EVL: variants seen among roughly 807,000 people sequenced by gnomAD.
EVL encodes ena/VASP-like protein.
A neutral mutation model predicts 59.6 loss-of-function variants in EVL; 21 were observed. The observed-to-expected ratio is 0.35, with a 90% CI of 0.25 to 0.51. The LOEUF (loss-of-function observed/expected upper bound fraction) is 0.51. Among genes scored for constraint, EVL ranks in the 20% least tolerant of loss-of-function variants. EVL has a pLI of 0.97. For missense variants in EVL, 462 were observed against 546.6 expected (o/e 0.85, Z 1.54); for synonymous variants, 198 against 203.5 (o/e 0.97, Z 0.23).
At chr14:100,048,085 C>T (rs367739544) in intron 1 of EVL, among the ~76,000 whole-genome samples, 4 of 151,980 alleles carry the variant, frequency 2.6e-5, no homozygotes, top group Admixed American at 6.5e-5. Flanking sequence ...GACATGACAG[C>T]GAAAGCACCA....
chr14:99,989,643 G>A (rs892717581), intron 1 of EVL, among the ~76,000 whole-genome samples: 2 of 152,084 alleles, frequency 1.3e-5, no homozygotes, highest in African/African-American at 4.8e-5. Context: ...CGTCCTGATT[G>A]TAGTGCCACA....
intron 1 of EVL, among the ~76,000 whole-genome samples, chr14:99,984,849 C>T (rs572639343): frequency 6.6e-6 from 1 of 152,260 alleles, no homozygotes; most frequent in African/African-American, 2.4e-5. Flanking sequence ...CTCCTGACCT[C>T]AGGTGATCCA....
At chr14:100,058,867 A>G (rs979547735) in intron 1 of EVL, among the ~76,000 whole-genome samples, 3 of 152,210 alleles carry the variant, frequency 2.0e-5, no homozygotes, top group Admixed American at 6.5e-5. Flanking sequence ...ACTCTATTTT[A>G]TCTACGTACG....
intron 6 of EVL, 66 bp downstream of exon 6, chr14:100,128,814 TTG>T: frequency 1.4e-6 from 2 of 1,401,148 alleles, no homozygotes; most frequent in Non-Finnish European, 2.0e-6. Flanking sequence ...TGCAGAGCGC[TTG>T]TGTTCCTTCC....
chr14:99,985,119 A>C (rs1358754612), intron 1 of EVL, among the ~76,000 whole-genome samples: 2 of 150,502 alleles, frequency 1.3e-5, no homozygotes, highest in Admixed American at 6.6e-5. Flanking sequence ...ATTTGCTTAC[A>C]TTTTTGCTTG....
At chr14:100,137,550 G>T (rs757546456) in intron 9 of EVL, 28 bp from the exon 10 acceptor site, 1 of 1,612,686 alleles carries the variant, frequency 6.2e-7, no homozygotes, top group Admixed American at 1.7e-5. Flanking sequence ...CACCTGTGAG[G>T]TTCTTCATCC....
In EVL at chr14:100,114,577, G is replaced by A. The variant is rs1319750655; in HGVS notation, c.359-8962G>A. Reference sequence around the variant, plus strand: ...CAGTTACCCACTGCACCAGCCAGGCGACAGAGGAGAAGAGGTAAGTGGCCC... The same window carrying A: ...CAGTTACCCACTGCACCAGCCAGGCAACAGAGGAGAAGAGGTAAGTGGCCC... On this transcript the variant is annotated intron_variant, in intron 3 of 13. Coordinates refer to ENST00000392920, the MANE Select transcript of EVL (RefSeq NM_016337.3). This position sits in a 1 kb window ranked among gnomAD's most constrained non-coding sequence, Gnocchi z 5.0. The A allele has an allele frequency of 3.3e-5, 5 of 152,376 alleles. No individual in the cohort carries two copies. The highest frequency in any genetic ancestry group is 6.5e-5 in the Admixed American group (1 of 15,290). The allele number at this position is 152,376 out of a possible 1,614,324, so 9.4% of individuals were successfully genotyped here.
At chr14:100,009,288 C>G (rs1440976595) in intron 1 of EVL, among the ~76,000 whole-genome samples, 5 of 152,202 alleles carry the variant, frequency 3.3e-5, no homozygotes, top group Non-Finnish European at 7.3e-5. Flanking sequence ...GGCCTCATTT[C>G]AGATGTGCAT....
intron 2 of EVL, among the ~76,000 whole-genome samples, chr14:100,092,488 A>G (rs943449662): frequency 1.3e-5 from 2 of 152,134 alleles, no homozygotes; most frequent in Admixed American, 6.5e-5. Flanking sequence ...TAATCCCAAC[A>G]CTTTGGGAGA....
At chr14:100,007,765 AGAGAGAGAG>A (rs1566967649) in intron 1 of EVL, among the ~76,000 whole-genome samples, 1 of 152,094 alleles carries the variant, frequency 6.6e-6, no homozygotes, top group African/African-American at 2.4e-5. Context: ...AGATACTTTC[AGAGAGAGAG>A]GAGAGAGAGA....
chr14:100,123,691 C>T (rs1252523172), intron 4 of EVL, 89 bp downstream of exon 4: 2 of 1,341,258 alleles, frequency 1.5e-6, no homozygotes, highest in South Asian at 1.2e-5. Flanking sequence ...GATGCACCAG[C>T]AGCCAAGGCC....
chr14:100,141,811 G>A lies in EVL; in HGVS notation c.1219+18G>A, dbSNP rs369070624. ...CATCGACGGTGAGTGCAGCCCCACC[G>A]GGGAGGGTGGCACCCAGGTGTGGCC... is the stretch of plus-strand genomic sequence containing the variant. On this transcript the variant is annotated intron_variant, in intron 13 of 13. Transcript: ENST00000392920. 4.8e-5 allele frequency: 78 copies of A among 1,610,634 alleles called. 1 individual carries two copies. Among genetic ancestry groups the A allele is most frequent in the South Asian group, 2.1e-4 (19 of 90,828 alleles).
At chr14:99,998,501 T>TAC (rs1038547555) in intron 1 of EVL, among the ~76,000 whole-genome samples, 2 of 152,122 alleles carry the variant, frequency 1.3e-5, no homozygotes, top group Non-Finnish European at 2.9e-5. Context: ...AGGAGATACA[T>TAC]ACACACACAC....
chr14:100,098,140 G>T (rs543820498), intron 3 of EVL, among the ~76,000 whole-genome samples: 19 of 152,334 alleles, frequency 1.2e-4, no homozygotes, highest in African/African-American at 4.6e-4. Context: ...TGGTAGACAG[G>T]TTCATAAACA....
At chr14:100,061,208 T>TG (rs2061822819), upstream of EVL, among the ~76,000 whole-genome samples, 1 of 151,634 alleles carries the variant, frequency 6.6e-6, no homozygotes, top group Non-Finnish European at 1.5e-5. Context: ...CAGGGCAACA[T>TG]GTTGAAACCC....
chr14:100,013,209 C>T (rs2061027873), intron 1 of EVL, among the ~76,000 whole-genome samples: 1 of 152,144 alleles, frequency 6.6e-6, no homozygotes, highest in Non-Finnish European at 1.5e-5. Context: ...GGTCCCAAGA[C>T]ACGTAATGAA....
At chr14:99,976,180 TTTTA>T (rs141612796) in intron 1 of EVL, among the ~76,000 whole-genome samples, 5,368 of 145,794 alleles carry the variant, frequency 0.037, 231 homozygotes, top group African/African-American at 0.1. Context: ...CATGGCCAGC[TTTTA>T]TTTATTTATT....
At chr14:100,028,989 T>C (rs2061267078) in intron 1 of EVL, among the ~76,000 whole-genome samples, 1 of 152,228 alleles carries the variant, frequency 6.6e-6, no homozygotes, top group African/African-American at 2.4e-5. Flanking sequence ...GCAAAAGGAC[T>C]ATTTTGAGGA....
upstream of EVL, among the ~76,000 whole-genome samples, chr14:100,064,640 G>A (rs2061894136): frequency 6.6e-6 from 1 of 152,230 alleles, no homozygotes; most frequent in African/African-American, 2.4e-5. Context: ...GCCTGGCGCG[G>A]TGGCTCACGC....
Sources: gnomAD v4.1 joint callset for allele counts (sites outside exome capture counted in the v4.1 genomes callset) on GRCh38, gnomAD v4.1.1 for gene constraint, Gnocchi (gnomAD v3.1) non-coding constraint, MANE v1.5 for transcripts, NCBI Gene and HGNC (gene_info 2026-07-23, HGNC 2026-07-21) for gene names.